Variants in PRMT7 observed in about 807,000 individuals in gnomAD.
PRMT7 encodes the protein protein arginine N-methyltransferase 7.
In PRMT7, 75 loss-of-function variants were observed where a neutral mutation model predicts 85.4. The ratio of observed to expected loss-of-function variants is 0.88; its 90% CI spans 0.73 to 1.06. The LOEUF (loss-of-function observed/expected upper bound fraction) is 1.06, where lower values mean the gene tolerates loss of function less well. PRMT7 is among the 50% of genes least tolerant of loss of function. PRMT7 has a pLI of 0.00. For missense variants in PRMT7, 868 were observed against 915.2 expected, an observed-to-expected ratio of 0.95 and a Z score of 0.67; for synonymous variants, 397 against 359.5, an observed-to-expected ratio of 1.10 and a Z score of -1.18.
intron 17 of PRMT7, among the ~76,000 whole-genome samples, chr16:68,356,196 C>A (rs73613999): frequency 0.15 from 22,470 of 152,242 alleles, 1,853 homozygotes; most frequent in African/African-American, 0.22. Flanking sequence ...TTTCCTGAAC[C>A]CTCCTGGGAG....
intron 3 of PRMT7, among the ~76,000 whole-genome samples, chr16:68,317,536 A>G (rs2082006062): frequency 6.6e-6 from 1 of 152,052 alleles, no homozygotes; most frequent in East Asian, 1.9e-4. Context: ...ACAAACAAAG[A>G]CCAAAAACAG....
intron 15 of PRMT7, 102 bp downstream of exon 15, chr16:68,352,511 T>C: frequency 8.7e-7 from 1 of 1,154,956 alleles, no homozygotes; most frequent in Non-Finnish European, 1.2e-6. Context: ...GCTCAGGCCT[T>C]GATGATTTGA....
chr16:68,321,605 C>G (rs1395053856), intron 4 of PRMT7, 143 bp downstream of exon 4: 5 of 685,378 alleles, frequency 7.3e-6, no homozygotes, highest in Admixed American at 5.8e-5. Flanking sequence ...AGTTGGGAGA[C>G]TGGGTCCTAC....
chr16:68,353,111 C>T (rs1429859208), intron 15 of PRMT7, among the ~76,000 whole-genome samples: 1 of 152,150 alleles, frequency 6.6e-6, no homozygotes, highest in Non-Finnish European at 1.5e-5. Flanking sequence ...CCTCTGGGTT[C>T]CTCTTGGCAG....
At chr16:68,358,702 G>A (rs139159174), downstream of PRMT7, 14 of 152,654 alleles carry the variant, frequency 9.2e-5, no homozygotes, top group East Asian at 1.5e-3. Context: ...AGTGGCCCCC[G>A]CGCCTTGTGG....
At chr16:68,340,800 G>C (rs2085411612) in intron 9 of PRMT7, among the ~76,000 whole-genome samples, 1 of 152,192 alleles carries the variant, frequency 6.6e-6, no homozygotes, top group African/African-American at 2.4e-5. Context: ...GATGTGTGCA[G>C]CCCTGGTTTA....
At chr16:68,337,344 T>A (rs954610077) in intron 6 of PRMT7, 115 bp from the exon 7 acceptor site, 1 of 649,400 alleles carries the variant, frequency 1.5e-6, no homozygotes. Flanking sequence ...TACCTCAGCA[T>A]GTATATGTGC....
intron 14 of PRMT7, among the ~76,000 whole-genome samples, chr16:68,348,907 G>A (rs1190320171): frequency 1.3e-5 from 2 of 151,976 alleles, no homozygotes; most frequent in Admixed American, 6.5e-5. Flanking sequence ...CCAAAGTGTC[G>A]GGGTTACAGG....
At position 68,355,722 on chromosome 16, in the gene PRMT7, G is replaced by A; in HGVS notation, c.1651-1G>A. The A allele has an allele frequency of 6.3e-7, 1 of 1,585,830 alleles. No individual in the cohort carries two copies. The highest frequency in any genetic ancestry group is 8.6e-7 in the Non-Finnish European group (1 of 1,163,280). On this transcript the variant is annotated splice_acceptor_variant, in intron 16 of 18. Coordinates refer to ENST00000441236, the MANE Select transcript of PRMT7 (RefSeq NM_019023.5). LOFTEE classifies it high-confidence loss of function. ...GCCCCCAGGCCCCCTTCTGTTCGCAGCGTGCCCTGGACTTCAGGGAGAGCA... is the reference window on the plus strand; with the variant it reads ...GCCCCCAGGCCCCCTTCTGTTCGCAACGTGCCCTGGACTTCAGGGAGAGCA...
chr16:68,352,316 G>T lies in PRMT7; in HGVS notation c.1482G>T (p.Trp494Cys). ...SLLPWHNLYF[W>C]YVRTAVDQHL... ...TGCCGTGGCACAACCTCTACTTCTG[G>T]TACGTGCGGACCGCTGTGGACCAGC... Residue 494 changes from tryptophan to cysteine, a missense_variant, in exon 15 of 19, where the codon TGG becomes TGT. Transcript: ENST00000441236. 6.2e-7 allele frequency: 1 copy of T among 1,613,428 alleles called. No individual in the cohort carries two copies.
At chr16:68,333,421 C>A (rs1227746800) in intron 6 of PRMT7, among the ~76,000 whole-genome samples, 1 of 149,806 alleles carries the variant, frequency 6.7e-6, no homozygotes, top group African/African-American at 2.5e-5. Context: ...GCAAAGGTTG[C>A]GGTGAGCCGA....
chr16:68,318,360 C>T (rs533225539), intron 3 of PRMT7, among the ~76,000 whole-genome samples: 15 of 151,836 alleles, frequency 9.9e-5, no homozygotes, highest in Admixed American at 5.9e-4. Flanking sequence ...CTGCCACGCC[C>T]GGCTAATTTT....
chr16:68,355,798 G>C lies in PRMT7; in HGVS notation c.1726G>C (p.Glu576Gln). ...LWEYPCRSLSEPWQILTFDFQ... is the reference protein window; with the variant it reads ...LWEYPCRSLSQPWQILTFDFQ... ...GGAGTACCCATGCCGCAGCCTCTCCGAGCCCTGGCAGATCCTGACCTTTGA... is the reference window on the plus strand; with the variant it reads ...GGAGTACCCATGCCGCAGCCTCTCCCAGCCCTGGCAGATCCTGACCTTTGA... Residue 576 changes from glutamate (E) to glutamine (Q), a missense_variant, in exon 17 of 19, where the codon GAG (glutamate) becomes CAG (glutamine). By Grantham distance (29) the Glu-to-Gln change is conservative (BLOSUM62 2). Coordinates refer to ENST00000441236, the MANE Select transcript of PRMT7 (RefSeq NM_019023.5). 4 of 1,611,788 alleles carry C rather than the reference G, an allele frequency of 2.5e-6. 1 individual carries two copies. The highest frequency in any genetic ancestry group is 2.7e-5 in the African/African-American group (2 of 75,012).
chr16:68,357,460 C>T lies in PRMT7; in HGVS notation c.*236C>T, dbSNP rs139789249. ...TGGAGCCCTGGAGGGGCTGGGAAGACCCCCCTGCTTGTGCTTCTGAGGTGC... is the reference window on the plus strand; with the variant it reads ...TGGAGCCCTGGAGGGGCTGGGAAGATCCCCCTGCTTGTGCTTCTGAGGTGC... On this transcript the variant is annotated 3_prime_UTR_variant, in exon 19 of 19. Transcript: ENST00000441236. 1,825 of 501,010 alleles carry T rather than the reference C, an allele frequency of 3.6e-3. 29 individuals are homozygous for T. Among genetic ancestry groups the T allele is most frequent in the African/African-American group, 0.032 (1,630 of 51,130 alleles). 31.0% of individuals were successfully genotyped at this position (501,010 alleles called of 1,614,324 possible). A position where few individuals can be genotyped will look rare whatever the true frequency, so the allele number is the denominator to read the frequency against.
At chr16:68,321,118 A>AATTTAC (rs2082437202) in intron 3 of PRMT7, among the ~76,000 whole-genome samples, 1 of 152,040 alleles carries the variant, frequency 6.6e-6, no homozygotes, top group Non-Finnish European at 1.5e-5. Flanking sequence ...TAAATACAAA[A>AATTTAC]ATTAGCCAGG....
At chr16:68,359,073 C>CCTGA (rs2089056676), downstream of PRMT7, 1 of 152,626 alleles carries the variant, frequency 6.6e-6, no homozygotes, top group Non-Finnish European at 1.5e-5. Context: ...AGCATGCAGC[C>CCTGA]CTGACTCCCA....
At chr16:68,348,110 C>T (rs1265985458) in intron 13 of PRMT7, among the ~76,000 whole-genome samples, 1 of 152,098 alleles carries the variant, frequency 6.6e-6, no homozygotes, top group Non-Finnish European at 1.5e-5. Context: ...TCCTGGTGTG[C>T]ACATGCGGGA....
In PRMT7 at chr16:68,355,860, C is replaced by T. The variant is rs140260314; in HGVS notation, c.1788C>T (p.Ala596=). ...CGGTGCCCCTGCAGCCCCTGTGTGC[C>T]GAGGGCACCGTGGAGCTCAGAAGGT... ...QQPVPLQPLC[A]EGTVELRRPG... The change falls in exon 17 of 19, where the codon GCC becomes GCT. Residue 596 remains alanine (A), a synonymous_variant. Transcript: ENST00000441236. 393 of 1,605,138 alleles carry T rather than the reference C, an allele frequency of 2.4e-4. No homozygotes were observed. The East Asian group carries it at 7.3e-3, about 30-fold the overall frequency.
At chr16:68,343,902 T>A (rs538130035) in intron 9 of PRMT7, among the ~76,000 whole-genome samples, 26 of 151,508 alleles carry the variant, frequency 1.7e-4, no homozygotes, top group African/African-American at 6.3e-4. Flanking sequence ...CAGGGCCAAG[T>A]TTTTCTTAGT....
Sources: allele counts gnomAD v4.1 joint callset (sites outside exome capture counted in the v4.1 genomes callset), GRCh38; gene constraint gnomAD v4.1.1; transcripts MANE v1.5; gene names NCBI Gene and HGNC (gene_info 2026-07-23, HGNC 2026-07-21).